ERG: variants seen among roughly 807,000 people sequenced by gnomAD.
ERG encodes ETS transcription factor ERG.
A neutral mutation model predicts 55.3 loss-of-function variants in ERG; 9 were observed. That is an observed-to-expected ratio of 0.16 (90% confidence interval 0.10 to 0.28). ERG has a LOEUF of 0.28. ERG is among the 10% of genes least tolerant of loss of function. ERG has a pLI of 1.00. For synonymous variants in ERG, 223 were observed against 237.3 expected, an observed-to-expected ratio of 0.94 and a Z score of 0.55; for missense variants, 434 against 631.6, an observed-to-expected ratio of 0.69 and a Z score of 3.35.
chr21:38,551,781 T>C (rs144983751), intron 2 of ERG, among the ~76,000 whole-genome samples: 13 of 152,312 alleles, frequency 8.5e-5, no homozygotes, highest in African/African-American at 2.9e-4. Context: ...TTTTGAAGTA[T>C]GTGCCACGTG....
intron 1 of ERG, among the ~76,000 whole-genome samples, chr21:38,656,040 C>T (rs1228586715): frequency 6.6e-6 from 1 of 152,082 alleles, no homozygotes; most frequent in East Asian, 1.9e-4. Flanking sequence ...CCAACCCACA[C>T]GTGATGAGAA....
At chr21:38,483,424 C>T (rs1845843536) in intron 1 of ERG, among the ~76,000 whole-genome samples, 1 of 152,214 alleles carries the variant, frequency 6.6e-6, no homozygotes, top group South Asian at 2.1e-4. Context: ...TAAAATAAAA[C>T]TTTTAAAAAA....
intron 2 of ERG, among the ~76,000 whole-genome samples, chr21:38,517,260 A>C (rs1210526714): frequency 6.6e-6 from 1 of 152,016 alleles, no homozygotes; most frequent in African/African-American, 2.4e-5. Context: ...CAAACAACTC[A>C]ACAATTAAAA....
chr21:38,549,080 T>C (rs576272297), intron 2 of ERG, among the ~76,000 whole-genome samples: 83 of 151,846 alleles, frequency 5.5e-4, no homozygotes, highest in South Asian at 1.0e-3. Context: ...ACCACCGCAC[T>C]CCAGCCTGGG....
intron 1 of ERG, among the ~76,000 whole-genome samples, chr21:38,623,112 A>G (rs1184888810): frequency 6.7e-6 from 1 of 150,162 alleles, no homozygotes; most frequent in African/African-American, 2.5e-5. Context: ...CCATACACTC[A>G]CACGCACATC....
In ERG at chr21:38,380,703, T is replaced by C. The variant is rs1979350872; in HGVS notation, c.*2700A>G. On this transcript the variant is annotated 3_prime_UTR_variant, in exon 10 of 10. Coordinates refer to ENST00000288319, the MANE Select transcript of ERG (RefSeq NM_182918.4). ...TTTGAAGGAACTCAGTATTATCATG[T>C]TATCCAAAATTATCCCAGTTGCTCA... 1 of 1,064,906 alleles carries C rather than the reference T, an allele frequency of 9.4e-7. No homozygotes were observed. The highest frequency in any genetic ancestry group is 4.5e-5 in the South Asian group (1 of 21,984). 66.0% of individuals were successfully genotyped at this position (1,064,906 alleles called of 1,614,324 possible). A position where few individuals can be genotyped will look rare whatever the true frequency, so the allele number is the denominator to read the frequency against.
At chr21:38,370,880 G>T in the ERG span, among the ~76,000 whole-genome samples, 3 of 151,426 alleles carry the variant, frequency 2.0e-5, no homozygotes, top group South Asian at 6.2e-4. Flanking sequence ...GTGCTTTCAA[G>T]CATAGCTGGG....
At chr21:38,509,834 C>T (rs932477839) in intron 2 of ERG, among the ~76,000 whole-genome samples, 2 of 152,254 alleles carry the variant, frequency 1.3e-5, no homozygotes, top group Middle Eastern at 3.4e-3. Flanking sequence ...GAGAAAAGCT[C>T]TAGTGTTTAG....
chr21:38,514,880 A>G (rs942779532), intron 2 of ERG, among the ~76,000 whole-genome samples: 8 of 152,020 alleles, frequency 5.3e-5, no homozygotes, highest in African/African-American at 1.9e-4. Context: ...TAGAATTAAT[A>G]AATGAGTTTT....
intron 1 of ERG, among the ~76,000 whole-genome samples, chr21:38,481,206 C>A (rs1205501677): frequency 6.6e-6 from 1 of 152,188 alleles, no homozygotes; most frequent in Non-Finnish European, 1.5e-5. Flanking sequence ...GATTATAGTT[C>A]TTCTAGGAGA....
At chr21:38,453,248 T>TA (rs1161127925) in intron 1 of ERG, among the ~76,000 whole-genome samples, 2 of 152,312 alleles carry the variant, frequency 1.3e-5, no homozygotes, top group African/African-American at 4.8e-5. Flanking sequence ...AAATAAGACT[T>TA]ACTGGAAAAT....
upstream of ERG, among the ~76,000 whole-genome samples, chr21:38,499,401 A>G (rs2059404439): frequency 6.6e-6 from 1 of 152,200 alleles, no homozygotes; most frequent in South Asian, 2.1e-4. Flanking sequence ...AACATTCCTT[A>G]GAGGGTTTCA....
At chr21:38,423,209 A>G (rs761079396) in intron 3 of ERG, among the ~76,000 whole-genome samples, 5 of 152,234 alleles carry the variant, frequency 3.3e-5, no homozygotes, top group African/African-American at 4.8e-5. Flanking sequence ...TTTTAAATAC[A>G]GGTGTATTTT....
chr21:38,589,432 T>C (rs1434353507), upstream of ERG, among the ~76,000 whole-genome samples: 1 of 152,154 alleles, frequency 6.6e-6, no homozygotes, highest in Non-Finnish European at 1.5e-5. Flanking sequence ...ATAATTTTGC[T>C]TGGGTGTTCT....
At chr21:38,509,219 G>A (rs189700096) in intron 2 of ERG, among the ~76,000 whole-genome samples, 72 of 152,208 alleles carry the variant, frequency 4.7e-4, no homozygotes, top group African/African-American at 1.4e-3. Context: ...ACCGGGCATC[G>A]GCATACCATC....
At chr21:38,398,580 G>A (rs1988337331) in intron 6 of ERG, among the ~76,000 whole-genome samples, 1 of 152,194 alleles carries the variant, frequency 6.6e-6, no homozygotes, top group Admixed American at 6.5e-5. Flanking sequence ...AGCGGCATGG[G>A]AGGTGTCTGA....
At chr21:38,520,391 A>T (rs1038989187) in intron 2 of ERG, among the ~76,000 whole-genome samples, 1 of 152,154 alleles carries the variant, frequency 6.6e-6, no homozygotes, top group Non-Finnish European at 1.5e-5. Flanking sequence ...ATCCTTTTTG[A>T]TTTTGAACTC....
chr21:38,380,017 A>C, downstream of ERG: 2 of 1,010,914 alleles, frequency 2.0e-6, no homozygotes, highest in Non-Finnish European at 2.4e-6. Flanking sequence ...GATAAAAAGA[A>C]GGCACAGAAT....
intron 1 of ERG, among the ~76,000 whole-genome samples, chr21:38,451,850 G>A (rs1470042973): frequency 6.6e-6 from 1 of 152,224 alleles, no homozygotes; most frequent in Non-Finnish European, 1.5e-5. Flanking sequence ...TCTGACCAGT[G>A]TGTCTTTTAT....
Sources: allele counts gnomAD v4.1 joint callset (sites outside exome capture counted in the v4.1 genomes callset), GRCh38; gene constraint gnomAD v4.1.1; transcripts MANE v1.5; gene names NCBI Gene and HGNC (gene_info 2026-07-23, HGNC 2026-07-21).